ATG14: variants seen among roughly 807,000 people sequenced by gnomAD.
The protein encoded by ATG14 is autophagy related 14, also known as beclin 1-associated autophagy-related key regulator.
In ATG14, 35 loss-of-function variants were observed where a neutral mutation model predicts 60.4. That is an observed-to-expected ratio of 0.58 (90% CI 0.44 to 0.77). The LOEUF (loss-of-function observed/expected upper bound fraction) is 0.77, where lower values mean the gene tolerates loss of function less well. Ranked by LOEUF, ATG14 falls within the 30% of genes least tolerant of loss-of-function variation. The probability of loss-of-function intolerance (pLI) is 0.00; values close to 1 mark genes in which losing one functional copy is unlikely to be tolerated. For missense variants in ATG14, 647 were observed against 626.3 expected, an observed-to-expected ratio of 1.03 and a Z score of -0.35; for synonymous variants, 234 against 228.8, an observed-to-expected ratio of 1.02 and a Z score of -0.21.
rs1884737965 is a variant in ATG14 at position 55,368,583 on chromosome 14, A to C, written c.*1036T>G. 2 of 152,184 alleles carry C rather than the reference A, an allele frequency of 1.3e-5. No individual in the cohort carries two copies. Among genetic ancestry groups the C allele is most frequent in the African/African-American group, 4.8e-5 (2 of 41,440 alleles). The allele number at this position is 152,184 out of a possible 1,614,324, so 9.4% of individuals were successfully genotyped here. A position where few individuals can be genotyped will look rare whatever the true frequency, so the allele number is the denominator to read the frequency against. The stretch of plus-strand genomic sequence containing the variant: ...GAGCAGAGTAGCATCAGCCGTAAGG[A>C]TCTGCGCTGCATTTCTGAGCAAAGC... On this transcript the variant is annotated 3_prime_UTR_variant, in exon 10 of 10. Transcript: ENST00000247178.
intron 4 of ATG14, among the ~76,000 whole-genome samples, chr14:55,389,030 G>A (rs1315656998): frequency 6.6e-6 from 1 of 152,090 alleles, no homozygotes; most frequent in East Asian, 1.9e-4. Flanking sequence ...ATAGATCCTA[G>A]GGTTCTCTCT....
intron 5 of ATG14, among the ~76,000 whole-genome samples, chr14:55,385,538 C>G (rs571800837): frequency 6.6e-6 from 1 of 152,306 alleles, no homozygotes; most frequent in South Asian, 2.1e-4. Context: ...GGTGATTCGC[C>G]TGCCTCGGCC....
At chr14:55,400,829 G>A (rs961125052) in intron 1 of ATG14, among the ~76,000 whole-genome samples, 77 of 152,006 alleles carry the variant, frequency 5.1e-4, no homozygotes, top group African/African-American at 1.7e-3. Context: ...GCTTGAACCC[G>A]GGAAGCGGAG....
At chr14:55,410,642 A>G (rs1034371856) in intron 1 of ATG14, among the ~76,000 whole-genome samples, 3 of 152,268 alleles carry the variant, frequency 2.0e-5, no homozygotes, top group African/African-American at 7.2e-5. Context: ...AAGTGCGGGT[A>G]CATAGGTCCA....
At chr14:55,394,026 A>C (rs1459455793) in intron 3 of ATG14, among the ~76,000 whole-genome samples, 1 of 124,606 alleles carries the variant, frequency 8.0e-6, no homozygotes, top group African/African-American at 3.1e-5. Flanking sequence ...TTTTTTTTTG[A>C]GATGGAGTGT....
chr14:55,397,580 T>A (rs1330713321), intron 1 of ATG14, 146 bp from the exon 2 acceptor site: 2 of 654,648 alleles, frequency 3.1e-6, no homozygotes, highest in Non-Finnish European at 5.4e-6. Flanking sequence ...CTCAACGGGG[T>A]GCACACAACT....
At position 55,411,290 on chromosome 14, in the gene ATG14, C is replaced by CT. The variant is rs1278061200; in HGVS notation, c.221+311dup. Among the ~76,000 whole-genome samples the CT allele has an allele frequency of 3.3e-5, 5 of 152,368 alleles. No individual in the cohort carries two copies. The East Asian group carries it at 9.6e-4, about 29-fold the overall frequency. On this transcript the variant is annotated intron_variant, in intron 1 of 9. Coordinates refer to ENST00000247178, the MANE Select transcript of ATG14 (RefSeq NM_014924.5). ...ATACAGCAAAGAGCTGGGAATCTAACTTAATGGCAGCAACGGGAAAACTTC... is the reference window on the plus strand; with the variant it reads ...ATACAGCAAAGAGCTGGGAATCTAACTTTAATGGCAGCAACGGGAAAACTTC...
chr14:55,395,883 C>T (rs1029519080), intron 3 of ATG14, 57 bp downstream of exon 3: 1 of 1,256,478 alleles, frequency 8.0e-7, no homozygotes, highest in Admixed American at 2.6e-5. Context: ...ATTTTATAAG[C>T]TCTACCAACT....
At position 55,377,858 on chromosome 14, in the gene ATG14, AG is replaced by A; in HGVS notation, c.1132del (p.Leu378Ter). On this transcript the variant is annotated frameshift_variant, in exon 9 of 10. Transcript: ENST00000247178. LOFTEE classifies it high-confidence loss of function. ...AGAGCTTGGACTGACCAGGTACATT[AG>A]ATTCCTGAGGGTATGCAGTGGTTGT... ...QLQPLHTLRN[L>X]MYLVSPSSEH... 1 of 1,603,218 alleles carries A rather than the reference AG, an allele frequency of 6.2e-7. No individual in the cohort carries two copies. Among genetic ancestry groups the A allele is most frequent in the Non-Finnish European group, 8.5e-7 (1 of 1,176,926 alleles).
In ATG14 at chr14:55,378,039, A is replaced by T. The variant is rs1247481007; in HGVS notation, c.1031T>A (p.Phe344Tyr). ...ATTCAGTTTCTTCACTGCTCGAGTA[A>T]ATTTCTGCTTGCTTAGATTTTCGCC... ...FCGENLSKQK[F>Y]TRAVKKLNAN... Residue 344 changes from phenylalanine (F) to tyrosine (Y), a missense_variant, in exon 8 of 10, where the codon TTT (phenylalanine) becomes TAT (tyrosine). Physicochemically the swap from Phe to Tyr is conservative, Grantham distance 22. Coordinates refer to ENST00000247178, the MANE Select transcript of ATG14 (RefSeq NM_014924.5). 8.7e-6 allele frequency: 14 copies of T among 1,613,082 alleles called. No homozygotes were observed. The East Asian group carries it at 3.1e-4, about 36-fold the overall frequency.
In ATG14 at chr14:55,382,060, C is replaced by G. The variant is rs1369352721; in HGVS notation, c.779G>C (p.Ser260Thr). Reference sequence around the variant, plus strand: ...AATCCAAGGCCCTGTAATGCTAATGCTGGTGTCTCCGTTGTGATCGTCACA... The same window carrying G: ...AATCCAAGGCCCTGTAATGCTAATGGTGGTGTCTCCGTTGTGATCGTCACA... Reference protein sequence around the residue: ...WVCDDHNGDTSISITGPWISL... With the variant: ...WVCDDHNGDTTISITGPWISL... The change falls in exon 6 of 10, where the codon AGC (serine) becomes ACC (threonine). Residue 260 changes from serine (S) to threonine (T), a missense_variant. Coordinates refer to ENST00000247178, the MANE Select transcript of ATG14 (RefSeq NM_014924.5). 2 of 1,614,154 alleles carry G rather than the reference C, an allele frequency of 1.2e-6. No individual in the cohort carries two copies. Among genetic ancestry groups the G allele is most frequent in the Non-Finnish European group, 1.7e-6 (2 of 1,180,022 alleles).
chr14:55,395,587 C>T (rs970140484), intron 3 of ATG14, among the ~76,000 whole-genome samples: 3 of 152,170 alleles, frequency 2.0e-5, no homozygotes, highest in South Asian at 2.1e-4. Context: ...TCTCCCCACT[C>T]CAAGATTATG....
At chr14:55,377,041 G>A (rs1884930563) in intron 9 of ATG14, among the ~76,000 whole-genome samples, 2 of 152,110 alleles carry the variant, frequency 1.3e-5, no homozygotes, top group South Asian at 4.1e-4. Context: ...TGATCAGATT[G>A]ACTCAGTGAT....
intron 2 of ATG14, 120 bp from the exon 3 acceptor site, chr14:55,396,102 G>T: frequency 3.1e-6 from 2 of 653,766 alleles, no homozygotes; most frequent in South Asian, 3.2e-5. Flanking sequence ...TATCAAAACG[G>T]GACTTAGCAT....
At chr14:55,402,958 T>TAA (rs1885432509) in intron 1 of ATG14, among the ~76,000 whole-genome samples, 1 of 58,774 alleles carries the variant, frequency 1.7e-5, no homozygotes, top group Non-Finnish European at 3.3e-5. Flanking sequence ...TATATATATA[T>TAA]ATATATATAT....
Position 55,369,422 on chromosome 14 carries a change from C to A in ATG14, c.*197G>T, listed in dbSNP as rs1381697210. On this transcript the variant is annotated 3_prime_UTR_variant, in exon 10 of 10. Transcript: ENST00000247178. ...CTTCGACCCCTGTTCTCTTAATTAT[C>A]ATAAGCATGTTGGTCACCATCACAG... The A allele has an allele frequency of 4.3e-6, 2 of 467,112 alleles. No homozygotes were observed. The highest frequency in any genetic ancestry group is 7.3e-6 in the Non-Finnish European group (2 of 275,032). The allele number at this position is 467,112 out of a possible 1,614,324, so 28.9% of individuals were successfully genotyped here.
chr14:55,380,249 AAACAAC>A (rs111920943), intron 7 of ATG14, among the ~76,000 whole-genome samples: 36 of 150,616 alleles, frequency 2.4e-4, no homozygotes, highest in Middle Eastern at 3.4e-3. Flanking sequence ...CTCTGTCTCA[AAACAAC>A]AACAACAACA....
intron 9 of ATG14, among the ~76,000 whole-genome samples, chr14:55,375,539 T>A (rs960226927): frequency 6.9e-6 from 1 of 144,984 alleles, no homozygotes; most frequent in African/African-American, 2.6e-5. Flanking sequence ...ACATGGAGTC[T>A]CACTATGTTG....
chr14:55,402,444 G>A (rs1885413704), intron 1 of ATG14, among the ~76,000 whole-genome samples: 1 of 152,144 alleles, frequency 6.6e-6, no homozygotes, highest in African/African-American at 2.4e-5. Context: ...GAAAATAACA[G>A]AGATGAGGAA....
Sources: allele counts gnomAD v4.1 joint callset (sites outside exome capture counted in the v4.1 genomes callset), GRCh38; gene constraint gnomAD v4.1.1; transcripts MANE v1.5; gene names NCBI Gene and HGNC (gene_info 2026-07-23, HGNC 2026-07-21).